The following PIP5K1A variants were observed in gnomAD, a reference collection of about 807,000 sequenced individuals.
PIP5K1A encodes phosphatidylinositol-4-phosphate 5-kinase type 1 alpha.
Under a neutral mutation model 72.9 loss-of-function variants are expected in PIP5K1A, and 46 were observed. The ratio of observed to expected loss-of-function variants is 0.63; its 90% CI spans 0.50 to 0.81. PIP5K1A has a LOEUF of 0.81. PIP5K1A is among the 30% of genes least tolerant of loss of function. PIP5K1A has a pLI of 0.00. For missense variants in PIP5K1A, 458 were observed against 706.1 expected (o/e 0.65, Z 3.98); for synonymous variants, 228 against 255.1 (o/e 0.89, Z 1.01).
chr1:151,239,245 G>A, intron 11 of PIP5K1A, 67 bp downstream of exon 11: 1 of 963,058 alleles, frequency 1.0e-6, no homozygotes, highest in Admixed American at 2.4e-5. Context: ...ATTGGCCTCA[G>A]TTTCTTGCAA....
chr1:151,215,704 G>A lies in PIP5K1A; in HGVS notation c.86-8541G>A, dbSNP rs114715274. 5.7e-3 allele frequency among the ~76,000 whole-genome samples: 866 copies of A among 152,266 alleles called. 10 individuals are homozygous for A. The highest frequency in any genetic ancestry group is 0.02 in the African/African-American group (814 of 41,540). On this transcript the variant is annotated intron_variant, in intron 1 of 15. Transcript: ENST00000368888. ...TGTTTTGCTGTCTGAATTCACTCCA[G>A]AGTGAAATGACTTGAAGTACAAGTT...
At chr1:151,198,007 T>C (rs930317868), upstream of PIP5K1A, 4 of 469,670 alleles carry the variant, frequency 8.5e-6, no homozygotes, top group African/African-American at 8.0e-5. Context: ...TTGACAGGTC[T>C]TCACTGATTC....
At chr1:151,202,565 C>G (rs190850324) in intron 1 of PIP5K1A, among the ~76,000 whole-genome samples, 1 of 147,574 alleles carries the variant, frequency 6.8e-6, no homozygotes, top group Non-Finnish European at 1.5e-5. Context: ...CTCAGCCTCC[C>G]GGGTTCAAGC....
intron 1 of PIP5K1A, among the ~76,000 whole-genome samples, chr1:151,214,184 T>A (rs587621717): frequency 6.6e-6 from 1 of 152,290 alleles, no homozygotes; most frequent in South Asian, 2.1e-4. Context: ...TCACTTAGAT[T>A]CTTTCCAATA....
chr1:151,229,372 T>C (rs1284270775), intron 4 of PIP5K1A, among the ~76,000 whole-genome samples: 1 of 150,454 alleles, frequency 6.6e-6, no homozygotes, highest in Non-Finnish European at 1.5e-5. Context: ...TTTTTTTTTT[T>C]TTTTTCCTGA....
intron 1 of PIP5K1A, among the ~76,000 whole-genome samples, chr1:151,206,566 T>C (rs1476099517): frequency 6.6e-6 from 1 of 152,124 alleles, no homozygotes; most frequent in Non-Finnish European, 1.5e-5. Context: ...TTTTTTGTTT[T>C]GTTTTGTTTT....
chr1:151,232,384 G>T lies in PIP5K1A; in HGVS notation c.486+19G>T. The T allele has an allele frequency of 1.3e-6, 2 of 1,558,038 alleles. No individual in the cohort carries two copies. Among genetic ancestry groups the T allele is most frequent in the Non-Finnish European group, 1.8e-6 (2 of 1,128,906 alleles). On this transcript the variant is annotated intron_variant, in intron 6 of 15. Coordinates refer to ENST00000368888, the MANE Select transcript of PIP5K1A (RefSeq NM_001135638.2). ...TTACTTGGTAAGCATCTGGATATCA[G>T]GACACTGTGACTCCAGTATCAGAGG...
At chr1:151,237,515 C>T (rs962769396) in intron 9 of PIP5K1A, among the ~76,000 whole-genome samples, 1 of 152,104 alleles carries the variant, frequency 6.6e-6, no homozygotes, top group African/African-American at 2.4e-5. Flanking sequence ...CAAAAATTAC[C>T]TGAGTGTGAT....
rs187107152 is a variant in PIP5K1A, at chr1:151,241,227, C to T, written c.1364-896C>T. 4.6e-5 allele frequency among the ~76,000 whole-genome samples: 7 copies of T among 152,072 alleles called. No homozygotes were observed. In the South Asian group the frequency reaches 8.3e-4, roughly 18 times the overall value. ...CTATTAAAGAAAAAGGGGGGCCAAGCGCAGTGTCTCACACCAGTAATCCCA... is the reference window on the plus strand; with the variant it reads ...CTATTAAAGAAAAAGGGGGGCCAAGTGCAGTGTCTCACACCAGTAATCCCA... On this transcript the variant is annotated intron_variant, in intron 12 of 15. Transcript: ENST00000368888.
At chr1:151,216,536 C>A (rs1558254503) in intron 1 of PIP5K1A, among the ~76,000 whole-genome samples, 1 of 152,074 alleles carries the variant, frequency 6.6e-6, no homozygotes, top group East Asian at 1.9e-4. Context: ...TATTATGAAT[C>A]AGTGACTACC....
intron 1 of PIP5K1A, among the ~76,000 whole-genome samples, chr1:151,220,904 T>C (rs1688317273): frequency 6.6e-6 from 1 of 152,242 alleles, no homozygotes; most frequent in African/African-American, 2.4e-5. Context: ...AAGAACGTAT[T>C]AATACACTCA....
rs587634902 is a variant in PIP5K1A, at chr1:151,232,487, G to C, written c.487-64G>C. 17 of 1,546,812 alleles carry C rather than the reference G, an allele frequency of 1.1e-5. No individual in the cohort carries two copies. In the South Asian group the frequency reaches 1.6e-4, roughly 15 times the overall value. ...TTAGAAAAGAATTGCATCTGTAGTT[G>C]ATTTTTGTGTTGGGCAAGGCCCTGA... On this transcript the variant is annotated intron_variant, in intron 6 of 15. Coordinates refer to ENST00000368888, the MANE Select transcript of PIP5K1A (RefSeq NM_001135638.2).
intron 1 of PIP5K1A, among the ~76,000 whole-genome samples, chr1:151,202,636 A>T (rs1460206857): frequency 6.6e-6 from 1 of 151,444 alleles, no homozygotes; most frequent in Non-Finnish European, 1.5e-5. Context: ...CATCTGACTA[A>T]TTTTTGTATT....
chr1:151,221,656 G>A (rs1170599745), intron 1 of PIP5K1A, among the ~76,000 whole-genome samples: 1 of 152,196 alleles, frequency 6.6e-6, no homozygotes, highest in Non-Finnish European at 1.5e-5. Context: ...TAAATCATGG[G>A]TATGGATTAC....
At chr1:151,241,514 A>G (rs1433285880) in intron 12 of PIP5K1A, among the ~76,000 whole-genome samples, 1 of 151,790 alleles carries the variant, frequency 6.6e-6, no homozygotes, top group Non-Finnish European at 1.5e-5. Flanking sequence ...AAGAAAAAGA[A>G]AAAGGGGGCA....
intron 1 of PIP5K1A, among the ~76,000 whole-genome samples, chr1:151,213,101 C>T (rs1687080197): frequency 6.6e-6 from 1 of 152,028 alleles, no homozygotes. Context: ...ACTGTGTTAG[C>T]CAGGATGGTC....
intron 12 of PIP5K1A, among the ~76,000 whole-genome samples, chr1:151,240,963 G>A (rs1017615461): frequency 6.6e-6 from 1 of 152,038 alleles, no homozygotes; most frequent in African/African-American, 2.4e-5. Flanking sequence ...TCAGGAGTTC[G>A]AGACCAGTCT....
intron 4 of PIP5K1A, among the ~76,000 whole-genome samples, chr1:151,228,920 G>A (rs587687012): frequency 1.3e-5 from 2 of 151,030 alleles, no homozygotes; most frequent in South Asian, 4.2e-4. Flanking sequence ...ATGGGATCTT[G>A]CATTTGGGAA....
At position 151,215,743 on chromosome 1, in the gene PIP5K1A, G is replaced by T. The variant is rs115285063; in HGVS notation, c.86-8502G>T. Among the ~76,000 whole-genome samples the T allele has an allele frequency of 4.5e-3, 687 of 152,198 alleles. 6 individuals carry two copies. The highest frequency in any genetic ancestry group is 0.016 in the African/African-American group (652 of 41,530). ...GAAGTACAAGTTTTGTGACTGCTCC[G>T]AGAATTTTTGTGTCAGAGGCTTCTC... is the stretch of plus-strand genomic sequence containing the variant. On this transcript the variant is annotated intron_variant, in intron 1 of 15. Transcript: ENST00000368888.
Sources: gnomAD v4.1 joint callset for allele counts (sites outside exome capture counted in the v4.1 genomes callset) on GRCh38, gnomAD v4.1.1 for gene constraint, MANE v1.5 for transcripts, NCBI Gene and HGNC (gene_info 2026-07-23, HGNC 2026-07-21) for gene names.